NLRP1: variants seen among roughly 807,000 people sequenced by gnomAD.
The protein encoded by NLRP1 is NACHT, LRR and PYD domains-containing protein 1.
NLRP1 carries 94 observed loss-of-function variants against 136.7 expected under a neutral mutation model. The ratio of observed to expected loss-of-function variants is 0.69; its 90% confidence interval spans 0.58 to 0.82. NLRP1 has a LOEUF of 0.82. NLRP1 is among the 40% of genes least tolerant of loss of function. The probability of loss-of-function intolerance (pLI) is 0.00; values close to 1 mark genes in which losing one functional copy is unlikely to be tolerated. For synonymous variants in NLRP1, 690 were observed against 725.1 expected (o/e 0.95, Z 0.78); for missense variants, 1,575 against 1,802.7 (o/e 0.87, Z 2.29).
intron 3 of NLRP1, among the ~76,000 whole-genome samples, chr17:5,561,991 A>T (rs1914808167): frequency 6.6e-6 from 1 of 152,132 alleles, no homozygotes; most frequent in Admixed American, 6.5e-5. Context: ...CATGCAGGCC[A>T]TGTCTGCTAG....
At chr17:5,566,731 G>A (rs1261338249) in intron 3 of NLRP1, among the ~76,000 whole-genome samples, 2 of 152,072 alleles carry the variant, frequency 1.3e-5, no homozygotes, top group Non-Finnish European at 2.9e-5. Context: ...TTTCTGTCTG[G>A]AAGATACGTC....
Position 5,504,708 on chromosome 17 carries a change from A to ATACCCACATCTCTCTGACCTCTT in NLRP1, c.4070-2837_4070-2836insAAGAGGTCAGAGAGATGTGGGTA, listed in dbSNP as rs1907253392. On this transcript the variant is annotated intron_variant, in intron 15 of 15. Coordinates refer to the NLRP1 transcript ENST00000262467. The surrounding 1 kb of genome is among the most constrained non-coding windows in gnomAD (Gnocchi z 4.4). Reference sequence around the variant, plus strand: ...ACCCACATCTCTCTGACCCAAGGGTAAGAGGTATACCTCCCAATCCCCTCA... The same window carrying ATACCCACATCTCTCTGACCTCTT: ...ACCCACATCTCTCTGACCCAAGGGTATACCCACATCTCTCTGACCTCTTAGAGGTATACCTCCCAATCCCCTCA... 6.6e-6 allele frequency: 1 copy of ATACCCACATCTCTCTGACCTCTT among 152,384 alleles called. No homozygotes were observed. The highest frequency in any genetic ancestry group is 1.5e-5 in the Non-Finnish European group (1 of 68,160). 9.4% of individuals were successfully genotyped at this position (152,384 alleles called of 1,614,324 possible).
chr17:5,539,579 G>T lies in NLRP1; in HGVS notation c.2706C>A (p.Val902=), dbSNP rs777830345. The T allele has an allele frequency of 1.2e-6, 2 of 1,608,398 alleles. No individual in the cohort carries two copies. The highest frequency in any genetic ancestry group is 1.1e-5 in the South Asian group (1 of 90,422). Residue 902 remains valine (V), a synonymous_variant, in exon 7 of 17, where the codon GTC becomes GTA. Transcript: ENST00000572272. ...PSCKLQRLQL[V]SCGLTSDCCQ... ...AGCAGTCAGACGTGAGGCCACAGCT[G>T]ACCAGCCTGCAGGAAAGATACACGC...
At chr17:5,501,480 A>G (rs1413534946) in exon 16 of NLRP1, 2 of 207,190 alleles carry the variant, frequency 9.7e-6, no homozygotes, top group African/African-American at 4.6e-5. Flanking sequence ...AAAACAGTGT[A>G]GGCAAAATCA....
intron 3 of NLRP1, among the ~76,000 whole-genome samples, chr17:5,579,250 TA>T (rs1206494094): frequency 2.2e-5 from 3 of 136,054 alleles, no homozygotes; most frequent in Admixed American, 7.3e-5. Flanking sequence ...CCCTAGAACT[TA>T]AAGTATTAAA....
chr17:5,514,666 G>A lies in NLRP1; in HGVS notation c.*88C>T, dbSNP rs1907856407. 2 of 1,558,064 alleles carry A rather than the reference G, an allele frequency of 1.3e-6. No homozygotes were observed. The highest frequency in any genetic ancestry group is 1.7e-6 in the Non-Finnish European group (2 of 1,151,434). On this transcript the variant is annotated 3_prime_UTR_variant, in exon 17 of 17. Coordinates refer to ENST00000572272, the MANE Select transcript of NLRP1 (RefSeq NM_033004.4). ...TTTAGTGCTGGAAGGCAAACCAGAT[G>A]GCAACTTGTTTGCAGAGAAAGAAAC...
chr17:5,509,227 T>G (rs1229204919), downstream of NLRP1, among the ~76,000 whole-genome samples: 3 of 152,196 alleles, frequency 2.0e-5, no homozygotes, highest in Non-Finnish European at 4.4e-5. Context: ...CTCCTCCTTC[T>G]CATTCCTACC....
In NLRP1 at chr17:5,559,006, A is replaced by G. The variant is rs200729303; in HGVS notation, c.1690T>C (p.Leu564=). Residue 564 remains leucine, a synonymous_variant, in exon 4 of 17, where the codon TTG becomes CTG. Transcript: ENST00000572272. ...YLAQALQAQP[L]GPQLRDLCSL... ...CAGAGGTCTCTGAGCTGGGGTCCCA[A>G]TGGCTGAGCTTGGAGAGCCTGGGCA... The G allele has an allele frequency of 3.1e-5, 50 of 1,613,982 alleles. No homozygotes were observed. The highest frequency in any genetic ancestry group is 1.6e-4 in the Middle Eastern group (1 of 6,084).
chr17:5,515,204 G>T (rs2151732825), intron 16 of NLRP1, 131 bp from the exon 17 acceptor site: 1 of 918,386 alleles, frequency 1.1e-6, no homozygotes, highest in Non-Finnish European at 1.7e-6. Flanking sequence ...CCTCCCTCAT[G>T]GCAGCATCTA....
chr17:5,559,834 G>GA lies in NLRP1; in HGVS notation c.861dup (p.His288SerfsTer15). ...ACCAGGGGATCTTGGCTTCTGGGGT[G>GA]AGGTCTTTGTAGAAGTAGCAGCTGT... On this transcript the variant is annotated frameshift_variant, in exon 4 of 17. Transcript: ENST00000572272. LOFTEE classifies it high-confidence loss of function. The GA allele has an allele frequency of 6.2e-7, 1 of 1,614,234 alleles. No homozygotes were observed. The highest frequency in any genetic ancestry group is 8.5e-7 in the Non-Finnish European group (1 of 1,180,028).
At position 5,558,687 on chromosome 17, in the gene NLRP1, G is replaced by A. The variant is rs61753139; in HGVS notation, c.2009C>T (p.Thr670Ile). ...YGIHGLFGAS[T>I]TRFLLGLLSD... ...TAACAGGCCCAATAGGAAACGTGTGGTTGATGCCCCAAACAGGCCATGTAT... is the reference window on the plus strand; with the variant it reads ...TAACAGGCCCAATAGGAAACGTGTGATTGATGCCCCAAACAGGCCATGTAT... Residue 670 changes from threonine (T) to isoleucine (I), a missense_variant, in exon 4 of 17, where the codon ACC becomes ATC. Thr to Ile is a moderately conservative substitution (Grantham distance 89, BLOSUM62 -1). Transcript: ENST00000572272. 520 of 1,614,146 alleles carry A rather than the reference G, an allele frequency of 3.2e-4. 1 individual carries two copies. Among genetic ancestry groups the A allele is most frequent in the Admixed American group, 2.3e-3 (137 of 60,012 alleles).
intron 15 of NLRP1, among the ~76,000 whole-genome samples, chr17:5,507,357 A>C (rs532194359): frequency 2.6e-5 from 4 of 152,212 alleles, no homozygotes; most frequent in Admixed American, 6.5e-5. Context: ...CTTCAAATTA[A>C]GGCCTTCTAA....
intron 3 of NLRP1, among the ~76,000 whole-genome samples, chr17:5,572,366 TA>T (rs1805174918): frequency 6.6e-6 from 1 of 152,174 alleles, no homozygotes; most frequent in African/African-American, 2.4e-5. Context: ...AAAGTTGGAA[TA>T]TCCAGAATCT....
At chr17:5,505,861 T>C (rs2151726961) in intron 15 of NLRP1, 1 of 152,492 alleles carries the variant, frequency 6.6e-6, no homozygotes, top group Admixed American at 6.5e-5. Flanking sequence ...TCTGGACATT[T>C]TCATCCTCTT....
chr17:5,552,967 T>C (rs1220004828), intron 5 of NLRP1, among the ~76,000 whole-genome samples: 5 of 152,180 alleles, frequency 3.3e-5, no homozygotes, highest in Non-Finnish European at 5.9e-5. Flanking sequence ...AAATCCAACA[T>C]GGTGCACAAG....
intron 3 of NLRP1, among the ~76,000 whole-genome samples, chr17:5,578,438 A>G (rs1905238762): frequency 6.6e-6 from 1 of 152,256 alleles, no homozygotes; most frequent in Admixed American, 6.5e-5. Flanking sequence ...ACTCCATCAA[A>G]AAGTGGGTGA....
At chr17:5,555,964 C>T (rs924484958) in intron 4 of NLRP1, among the ~76,000 whole-genome samples, 2 of 151,896 alleles carry the variant, frequency 1.3e-5, no homozygotes, top group South Asian at 2.1e-4. Flanking sequence ...TGTGGTGGTG[C>T]GTGCCTGTAA....
chr17:5,512,604 C>G (rs1461210200), downstream of NLRP1: 9 of 477,402 alleles, frequency 1.9e-5, no homozygotes, highest in Non-Finnish European at 3.1e-5. Context: ...GCGTGAAGGA[C>G]CCGAAAGACA....
At chr17:5,572,506 G>A (rs1277385527) in intron 3 of NLRP1, among the ~76,000 whole-genome samples, 1 of 152,022 alleles carries the variant, frequency 6.6e-6, no homozygotes, top group African/African-American at 2.4e-5. Flanking sequence ...CACTTGAGGT[G>A]AGGAATTCGA....
Sources: gnomAD v4.1 joint callset for allele counts (sites outside exome capture counted in the v4.1 genomes callset) on GRCh38, gnomAD v4.1.1 for gene constraint, Gnocchi (gnomAD v3.1) non-coding constraint, MANE v1.5 for transcripts, NCBI Gene and HGNC (gene_info 2026-07-23, HGNC 2026-07-21) for gene names.